DOCK3: variants seen among roughly 807,000 people sequenced by gnomAD.
DOCK3 encodes the protein dedicator of cytokinesis protein 3.
DOCK3 carries 60 observed loss-of-function variants against 265.6 expected under a neutral mutation model. That is an observed-to-expected ratio of 0.23 (90% CI 0.18 to 0.28). The LOEUF (loss-of-function observed/expected upper bound fraction) is 0.28, where lower values mean the gene tolerates loss of function less well. Ranked by LOEUF, DOCK3 falls within the 10% of genes least tolerant of loss-of-function variation. The probability of loss-of-function intolerance (pLI) is 1.00; values close to 1 mark genes in which losing one functional copy is unlikely to be tolerated. For missense variants in DOCK3, 1,981 were observed against 2,594.3 expected, an observed-to-expected ratio of 0.76 and a Z score of 5.14; for synonymous variants, 881 against 938.0, an observed-to-expected ratio of 0.94 and a Z score of 1.11.
At chr3:51,124,813 A>G (rs2084190518) in intron 9 of DOCK3, among the ~76,000 whole-genome samples, 1 of 152,142 alleles carries the variant, frequency 6.6e-6, no homozygotes, top group Admixed American at 6.6e-5. Flanking sequence ...TATTAGCTAC[A>G]ATACTATAAT....
At chr3:51,014,945 C>T (rs2079093339) in intron 5 of DOCK3, among the ~76,000 whole-genome samples, 1 of 152,100 alleles carries the variant, frequency 6.6e-6, no homozygotes. Context: ...AGATTGTTCA[C>T]TGTTGACATA....
chr3:51,071,493 G>C (rs543509972), intron 6 of DOCK3, among the ~76,000 whole-genome samples: 3 of 152,224 alleles, frequency 2.0e-5, no homozygotes, highest in African/African-American at 4.8e-5. Flanking sequence ...ATACTTCTTT[G>C]ATCACAATCC....
chr3:51,208,860 A>G lies in DOCK3; in HGVS notation c.1124A>G (p.His375Arg). 2 of 1,609,244 alleles carry G rather than the reference A, an allele frequency of 1.2e-6. No individual in the cohort carries two copies. The highest frequency in any genetic ancestry group is 1.7e-6 in the Non-Finnish European group (2 of 1,177,890). Residue 375 changes from histidine (H) to arginine (R), a missense_variant and splice_region_variant, in exon 13 of 53, where the codon CAT becomes CGT. By Grantham distance (29) the His-to-Arg change is conservative (BLOSUM62 0). Around this residue, in one of 4 missense-constraint regions of DOCK3, gnomAD observed 456 missense variants for 539.0 expected, o/e 0.85. Coordinates refer to ENST00000266037, the MANE Select transcript of DOCK3 (RefSeq NM_004947.5). ...AAGTACTCTGCCCCCAGCGCCAGCC[A>G]TGGTGAGATACTTCTCTGACTAGAA... is the stretch of plus-strand genomic sequence containing the variant. ...SAKYSAPSAS[H>R]GLIISLQLLR...
At chr3:51,016,686 A>C (rs1223908339) in intron 5 of DOCK3, among the ~76,000 whole-genome samples, 2 of 22,216 alleles carry the variant, frequency 9.0e-5, no homozygotes, top group African/African-American at 2.5e-4. Flanking sequence ...TTTATATATC[A>C]TATAATATAT....
At chr3:51,060,545 T>C (rs1402968624) in intron 5 of DOCK3, among the ~76,000 whole-genome samples, 1 of 152,212 alleles carries the variant, frequency 6.6e-6, no homozygotes, top group East Asian at 1.9e-4. Flanking sequence ...CTTAAGTCTT[T>C]AATCCATCTT....
intron 9 of DOCK3, among the ~76,000 whole-genome samples, chr3:51,119,242 A>G (rs1348304811): frequency 6.6e-6 from 1 of 152,170 alleles, no homozygotes; most frequent in Non-Finnish European, 1.5e-5. Flanking sequence ...TTGGCTGGGT[A>G]TGATATTCTG....
At position 51,100,556 on chromosome 3, in the gene DOCK3, A is replaced by T. The variant is rs551804933; in HGVS notation, c.746+10172A>T. Among the ~76,000 whole-genome samples the T allele has an allele frequency of 2.3e-3, 345 of 152,340 alleles. 1 individual carries two copies. The highest frequency in any genetic ancestry group is 3.5e-3 in the Non-Finnish European group (238 of 68,028). On this transcript the variant is annotated intron_variant, in intron 9 of 52. Coordinates refer to ENST00000266037, the MANE Select transcript of DOCK3 (RefSeq NM_004947.5). Reference sequence around the variant, plus strand: ...TGCGTATCCAAGGCAGACGCAAAGCAGCTAGCAACAAAGGCTAAAAGAAAA... The same window carrying T: ...TGCGTATCCAAGGCAGACGCAAAGCTGCTAGCAACAAAGGCTAAAAGAAAA...
At chr3:51,217,419 G>A (rs2089847918) in intron 14 of DOCK3, among the ~76,000 whole-genome samples, 1 of 152,192 alleles carries the variant, frequency 6.6e-6, no homozygotes. Flanking sequence ...ATGATAATGA[G>A]CAAGAGGCAA....
chr3:50,838,895 A>G (rs1002090664), intron 2 of DOCK3, among the ~76,000 whole-genome samples: 2 of 152,184 alleles, frequency 1.3e-5, no homozygotes, highest in African/African-American at 4.8e-5. Context: ...CAAAGCTTGT[A>G]GCAGAGTTGC....
chr3:50,676,530 C>T (rs1465440286), intron 1 of DOCK3, among the ~76,000 whole-genome samples: 3 of 152,206 alleles, frequency 2.0e-5, no homozygotes, highest in Admixed American at 1.3e-4. Flanking sequence ...TTTACCCCTT[C>T]TCTTAGAGTA....
chr3:50,872,563 G>A lies in DOCK3; in HGVS notation c.163-17463G>A, dbSNP rs74947469. Among the ~76,000 whole-genome samples, 366 of 152,298 alleles carry A rather than the reference G, an allele frequency of 2.4e-3. 8 individuals carry two copies. In the East Asian group the frequency reaches 0.064, roughly 26 times the overall value. ...GGGCTACCATATATGTCTGTTCAAGGCCCTGGAGCTCTAGAATGAGCAGCT... is the reference window on the plus strand; with the variant it reads ...GGGCTACCATATATGTCTGTTCAAGACCCTGGAGCTCTAGAATGAGCAGCT... On this transcript the variant is annotated intron_variant, in intron 3 of 52. Transcript: ENST00000266037.
At chr3:50,884,172 A>G (rs2048209650) in intron 3 of DOCK3, among the ~76,000 whole-genome samples, 1 of 150,928 alleles carries the variant, frequency 6.6e-6, no homozygotes, top group Non-Finnish European at 1.5e-5. Context: ...CTCACTGCAA[A>G]CTCTGCCTCC....
At chr3:51,012,880 G>T (rs551679758) in intron 5 of DOCK3, among the ~76,000 whole-genome samples, 6 of 151,768 alleles carry the variant, frequency 4.0e-5, no homozygotes, top group Non-Finnish European at 7.4e-5. Context: ...CTCTCTTCTC[G>T]CTTCATTTCA....
At chr3:51,179,077 C>T (rs1306343470) in intron 12 of DOCK3, among the ~76,000 whole-genome samples, 2 of 152,182 alleles carry the variant, frequency 1.3e-5, no homozygotes, top group South Asian at 4.1e-4. Context: ...GATGTCAGGA[C>T]AACAGGTGTA....
chr3:50,918,479 G>T (rs1360843505), intron 4 of DOCK3, among the ~76,000 whole-genome samples: 2 of 152,140 alleles, frequency 1.3e-5, no homozygotes, highest in Non-Finnish European at 2.9e-5. Context: ...GTATCTCATT[G>T]TGGTTTTGAT....
rs140410794 is a variant in DOCK3, at chr3:51,110,802, A to G, written c.746+20418A>G. The stretch of plus-strand genomic sequence containing the variant: ...AAGGATGTCCTCTCTCACCATTCAT[A>G]TTGAACAGATTGTTGGAAACCTGAC... On this transcript the variant is annotated intron_variant, in intron 9 of 52. Transcript: ENST00000266037. Among the ~76,000 whole-genome samples, 1,396 of 152,258 alleles carry G rather than the reference A, an allele frequency of 9.2e-3. 29 individuals are homozygous for G. The highest frequency in any genetic ancestry group is 0.03 in the African/African-American group (1,241 of 41,566).
chr3:50,748,988 A>G (rs2039622753), intron 1 of DOCK3, among the ~76,000 whole-genome samples: 1 of 152,052 alleles, frequency 6.6e-6, no homozygotes, highest in South Asian at 2.1e-4. Flanking sequence ...GAAAATAGCC[A>G]TCTAGATTTC....
At chr3:51,019,723 T>TGTG (rs59351752) in intron 5 of DOCK3, among the ~76,000 whole-genome samples, 136,599 of 151,640 alleles carry the variant, frequency 0.9, 61,765 homozygotes, top group African/African-American at 0.95. Context: ...AGTGAGAACA[T>TGTG]GTGTTTGGTT....
chr3:51,035,355 C>G (rs1011218264), intron 5 of DOCK3, among the ~76,000 whole-genome samples: 2 of 152,018 alleles, frequency 1.3e-5, no homozygotes, highest in African/African-American at 4.8e-5. Flanking sequence ...CATTTTTATT[C>G]TGCCATTAAG....
Sources: gnomAD v4.1 joint callset for allele counts (sites outside exome capture counted in the v4.1 genomes callset) on GRCh38, gnomAD v4.1.1 for gene constraint, gnomAD v4.1.1 regional missense constraint, MANE v1.5 for transcripts, NCBI Gene and HGNC (gene_info 2026-07-23, HGNC 2026-07-21) for gene names.